Variants in RNF11 observed in about 807,000 individuals in gnomAD.
RNF11 encodes the protein ring finger protein 11.
A neutral mutation model predicts 15.8 loss-of-function variants in RNF11; 4 were observed. The ratio of observed to expected loss-of-function variants is 0.25; its 90% CI spans 0.12 to 0.58. The LOEUF is 0.58. Among genes scored for constraint, RNF11 ranks in the 20% least tolerant of loss-of-function variants. The pLI is 0.91. For missense variants in RNF11, 139 were observed against 194.4 expected (o/e 0.71, Z 1.70); for synonymous variants, 68 against 72.3 (o/e 0.94, Z 0.30).
At chr1:51,262,310 A>T (rs940529809) in intron 1 of RNF11, among the ~76,000 whole-genome samples, 2 of 152,230 alleles carry the variant, frequency 1.3e-5, no homozygotes, top group African/African-American at 4.8e-5. Flanking sequence ...TTCTTACTAT[A>T]TGCAAAAATT....
chr1:51,266,678 G>C (rs147521862), intron 1 of RNF11, among the ~76,000 whole-genome samples: 15 of 152,164 alleles, frequency 9.9e-5, no homozygotes, highest in Non-Finnish European at 1.9e-4. Context: ...GCCCAGGCTG[G>C]TCTCAAACTC....
At chr1:51,257,382 A>G (rs1177228219) in intron 1 of RNF11, among the ~76,000 whole-genome samples, 1 of 152,216 alleles carries the variant, frequency 6.6e-6, no homozygotes, top group African/African-American at 2.4e-5. Flanking sequence ...TAAAATTCAC[A>G]AAAGTGTGGT....
intron 1 of RNF11, among the ~76,000 whole-genome samples, chr1:51,248,761 TGAG>T (rs1281006108): frequency 6.6e-6 from 1 of 152,130 alleles, no homozygotes; most frequent in Non-Finnish European, 1.5e-5. Context: ...ACTTGGAACT[TGAG>T]TATAAAAAAT....
chr1:51,261,325 C>T (rs1646929712), intron 1 of RNF11, among the ~76,000 whole-genome samples: 1 of 151,830 alleles, frequency 6.6e-6, no homozygotes, highest in African/African-American at 2.4e-5. Context: ...CATTGGACTG[C>T]ATAAGGTTTC....
chr1:51,254,655 A>T (rs1014184354), intron 1 of RNF11, among the ~76,000 whole-genome samples: 28 of 151,776 alleles, frequency 1.8e-4, no homozygotes, highest in Non-Finnish European at 1.5e-5. Context: ...TAGAGAGGGG[A>T]TTTCACTATG....
chr1:51,267,198 A>G (rs1646958642), intron 1 of RNF11, among the ~76,000 whole-genome samples: 1 of 152,164 alleles, frequency 6.6e-6, no homozygotes, highest in Non-Finnish European at 1.5e-5. Context: ...GTGTTTGTAT[A>G]CCTTTTGTCA....
intron 1 of RNF11, among the ~76,000 whole-genome samples, chr1:51,261,928 C>A (rs977339016): frequency 6.6e-6 from 1 of 152,144 alleles, no homozygotes; most frequent in Non-Finnish European, 1.5e-5. Context: ...AGTCTCGGCT[C>A]ACTGCAACCT....
At chr1:51,269,848 C>T (rs1646970323) in intron 1 of RNF11, 108 bp from the exon 2 acceptor site, 1 of 868,478 alleles carries the variant, frequency 1.2e-6, no homozygotes. Context: ...ACTAGCCCAG[C>T]TTCCTACCCC....
chr1:51,271,009 TG>T, intron 2 of RNF11, 141 bp from the exon 3 acceptor site: 1 of 681,192 alleles, frequency 1.5e-6, no homozygotes, highest in South Asian at 2.1e-5. Context: ...AAATTCAGTT[TG>T]CATGCTTTGG....
intron 1 of RNF11, among the ~76,000 whole-genome samples, chr1:51,242,919 G>A (rs1026126428): frequency 6.6e-6 from 1 of 152,050 alleles, no homozygotes; most frequent in Middle Eastern, 3.2e-3. Context: ...CAATTATTCA[G>A]CTTTTAACAA....
chr1:51,248,444 C>A (rs1411965151), intron 1 of RNF11, among the ~76,000 whole-genome samples: 1 of 151,892 alleles, frequency 6.6e-6, no homozygotes, highest in African/African-American at 2.4e-5. Flanking sequence ...TCAGGTGATC[C>A]GCTCGCCTCG....
At chr1:51,251,349 C>T (rs1646876794) in intron 1 of RNF11, 24 of 1,514,258 alleles carry the variant, frequency 1.6e-5, no homozygotes, top group Middle Eastern at 2.3e-4. Context: ...GCCTCGGCCC[C>T]GGCCCCGTCT....
In RNF11 at chr1:51,264,315, TATAC is replaced by T. The variant is rs1180462080; in HGVS notation, c.124-5639_124-5636del. Among the ~76,000 whole-genome samples the T allele has an allele frequency of 1.5e-3, 149 of 96,608 alleles. 1 individual carries two copies. The highest frequency in any genetic ancestry group is 2.0e-3 in the Non-Finnish European group (102 of 51,592). 63.4% of individuals were successfully genotyped at this position (96,608 alleles called of 152,430 possible). A position where few individuals can be genotyped will look rare whatever the true frequency, so the allele number is the denominator to read the frequency against. ...ATATATATATATATATATATATATA[TATAC>T]ACACACACACACACACACACATTTA... On this transcript the variant is annotated intron_variant, in intron 1 of 2. Coordinates refer to ENST00000242719, the MANE Select transcript of RNF11 (RefSeq NM_014372.5).
intron 1 of RNF11, among the ~76,000 whole-genome samples, chr1:51,241,818 A>G (rs548492332): frequency 2.6e-5 from 4 of 152,338 alleles, no homozygotes; most frequent in African/African-American, 9.6e-5. Context: ...AGGGAGGTCC[A>G]TGAGAGGGGG....
At chr1:51,236,962 T>A in intron 1 of RNF11, 83 bp downstream of exon 1, 1 of 1,499,454 alleles carries the variant, frequency 6.7e-7, no homozygotes, top group Non-Finnish European at 9.0e-7. Flanking sequence ...TCTCTGCCCC[T>A]GGCTTCGGCA....
intron 1 of RNF11, among the ~76,000 whole-genome samples, chr1:51,244,271 A>G (rs951500313): frequency 6.6e-6 from 1 of 152,240 alleles, no homozygotes; most frequent in Non-Finnish European, 1.5e-5. Context: ...GTTAGTGTCT[A>G]TTAAGCATTC....
At chr1:51,269,862 C>G in intron 1 of RNF11, 94 bp from the exon 2 acceptor site, 1 of 1,047,248 alleles carries the variant, frequency 9.5e-7, no homozygotes, top group Non-Finnish European at 1.4e-6. Flanking sequence ...CTACCCCTCC[C>G]AGGGCTCCCT....
intron 1 of RNF11, among the ~76,000 whole-genome samples, chr1:51,237,442 G>GTATATATATATATATATATATATGTA (rs66523963): frequency 1.4e-5 from 2 of 140,510 alleles, no homozygotes; most frequent in African/African-American, 2.6e-5. Context: ...ATATATATGT[G>GTATATATATATATATATATATATGTA]TATATATATA....
intron 1 of RNF11, chr1:51,250,616 T>G: frequency 1.4e-6 from 1 of 707,278 alleles, no homozygotes; most frequent in Non-Finnish European, 2.4e-6. Context: ...TAGCCACAGC[T>G]GGAGCCTGGG....
Sources: gnomAD v4.1 joint callset for allele counts (sites outside exome capture counted in the v4.1 genomes callset) on GRCh38, gnomAD v4.1.1 for gene constraint, MANE v1.5 for transcripts, NCBI Gene and HGNC (gene_info 2026-07-23, HGNC 2026-07-21) for gene names.